The following DNAAF9 variants were observed in gnomAD, a reference collection of about 807,000 sequenced individuals.
DNAAF9 encodes dynein axonemal assembly factor 9, also known as shulin.
Under a neutral mutation model 167.0 loss-of-function variants are expected in DNAAF9, and 90 were observed. The observed-to-expected ratio is 0.54, with a 90% confidence interval of 0.45 to 0.64. The LOEUF is 0.64. DNAAF9 is among the 30% of genes least tolerant of loss of function. DNAAF9 has a pLI of 0.00. For missense variants in DNAAF9, 1,315 were observed against 1,442.2 expected (o/e 0.91, Z 1.43); for synonymous variants, 491 against 508.8 (o/e 0.96, Z 0.47).
chr20:3,354,302 G>A (rs1387163889), intron 7 of DNAAF9, among the ~76,000 whole-genome samples: 2 of 152,240 alleles, frequency 1.3e-5, no homozygotes, highest in Non-Finnish European at 2.9e-5. Flanking sequence ...AGTGGAACTG[G>A]TCAGGTGGAT....
intron 10 of DNAAF9, among the ~76,000 whole-genome samples, chr20:3,340,210 T>C (rs2070050901): frequency 6.6e-6 from 1 of 152,210 alleles, no homozygotes; most frequent in African/African-American, 2.4e-5. Context: ...AAAAATTCTA[T>C]TGACAATATT....
At chr20:3,266,357 A>G (rs2068489875) in intron 30 of DNAAF9, among the ~76,000 whole-genome samples, 2 of 152,194 alleles carry the variant, frequency 1.3e-5, no homozygotes, top group South Asian at 2.1e-4. Flanking sequence ...AGGACTAGTA[A>G]TATTTTTTTT....
rs1876427524 is a variant in DNAAF9 at position 3,273,469 on chromosome 20, T to C, written c.2651-2907A>G. On this transcript the variant is annotated intron_variant, in intron 29 of 36. Coordinates refer to ENST00000252032, the MANE Select transcript of DNAAF9 (RefSeq NM_001009984.3). ...AGGAAGCGTGGCGCTGGCATCGGCT[T>C]CTGGGGAGGCCTCAGGAAGCTTAAG... 1.3e-5 allele frequency among the ~76,000 whole-genome samples: 2 copies of C among 152,080 alleles called. 1 individual carries two copies. The highest frequency in any genetic ancestry group is 4.1e-4 in the South Asian group (2 of 4,824).
At chr20:3,301,466 G>A in intron 21 of DNAAF9, among the ~76,000 whole-genome samples, 1 of 152,154 alleles carries the variant, frequency 6.6e-6, no homozygotes, top group Non-Finnish European at 1.5e-5. Context: ...AGGATTACAG[G>A]CGTGAGCCAC....
intron 33 of DNAAF9, among the ~76,000 whole-genome samples, chr20:3,257,705 G>A (rs1484095212): frequency 3.3e-5 from 5 of 151,340 alleles, no homozygotes; most frequent in African/African-American, 7.3e-5. Flanking sequence ...CACCATGCCC[G>A]GCTAATTTTT....
In DNAAF9 at chr20:3,382,437, G is replaced by A. The variant is rs770335028; in HGVS notation, c.153C>T (p.Leu51=). 6.8e-6 allele frequency: 11 copies of A among 1,613,598 alleles called. No homozygotes were observed. Among genetic ancestry groups the A allele is most frequent in the Non-Finnish European group, 9.3e-6 (11 of 1,179,532 alleles). ...QSSKSRPDGI[L]CILGIDSRYN... is the part of the protein sequence containing the mutation. ...GTTAAAAGCACTGACCTAGGATGCA[G>A]AGGATCCCATCCGGCCGAGACTTGC... The change falls in exon 2 of 37, where the codon CTC becomes CTT. Residue 51 remains leucine, a synonymous_variant. Transcript: ENST00000252032.
In DNAAF9 at chr20:3,264,430, A is replaced by G; in HGVS notation, c.2873+8T>C. Reference sequence around the variant, plus strand: ...AAATCTTAGTTATTTTTCAATGATGATACTTGCCAGCCAGGATACATTAAA... The same window carrying G: ...AAATCTTAGTTATTTTTCAATGATGGTACTTGCCAGCCAGGATACATTAAA... On this transcript the variant is annotated splice_region_variant and intron_variant, in intron 31 of 36. Transcript: ENST00000252032. The G allele has an allele frequency of 1.6e-6, 2 of 1,250,764 alleles. No individual in the cohort carries two copies. Among genetic ancestry groups the G allele is most frequent in the South Asian group, 1.2e-5 (1 of 80,302 alleles). 77.5% of individuals were successfully genotyped at this position (1,250,764 alleles called of 1,614,324 possible).
At chr20:3,350,154 CAG>C (rs11467705) in intron 7 of DNAAF9, among the ~76,000 whole-genome samples, 5,782 of 86,386 alleles carry the variant, frequency 0.067, 159 homozygotes, top group African/African-American at 0.13. Context: ...CACAGACACA[CAG>C]ACACACACAC....
At chr20:3,384,301 A>T (rs941701860) in intron 1 of DNAAF9, 2 of 152,230 alleles carry the variant, frequency 1.3e-5, no homozygotes, top group Non-Finnish European at 2.9e-5. Context: ...AGAGCACTAG[A>T]AACCACAGAA....
intron 22 of DNAAF9, 76 bp from the exon 23 acceptor site, chr20:3,297,025 G>T: frequency 1.2e-6 from 1 of 819,828 alleles, no homozygotes; most frequent in Non-Finnish European, 2.0e-6. Context: ...GGGATTTGAT[G>T]GTTGTTGAAA....
At chr20:3,329,851 G>A (rs1264799581) in intron 12 of DNAAF9, among the ~76,000 whole-genome samples, 1 of 152,140 alleles carries the variant, frequency 6.6e-6, no homozygotes, top group African/African-American at 2.4e-5. Flanking sequence ...TTCTGTCTTT[G>A]GTTTCCTGCT....
chr20:3,294,650 A>C (rs762503857), intron 23 of DNAAF9, 21 bp from the exon 24 acceptor site: 1 of 1,479,962 alleles, frequency 6.8e-7, no homozygotes, highest in Non-Finnish European at 9.5e-7. Flanking sequence ...AAAAGCTCAC[A>C]GATTAGAAGT....
In DNAAF9 at chr20:3,251,138, ATTGT is replaced by A. The variant is rs2068187580; in HGVS notation, c.*1430_*1433del. ...TGGAGTTTTGTTCATTTGGCTTCAA[ATTGT>A]TTTTTTTTTTTTTCTAATATATTTT... is the stretch of plus-strand genomic sequence containing the variant. On this transcript the variant is annotated 3_prime_UTR_variant, in exon 37 of 37. Transcript: ENST00000252032. 6.7e-6 allele frequency: 1 copy of A among 150,350 alleles called. No individual in the cohort carries two copies. The highest frequency in any genetic ancestry group is 2.1e-4 in the South Asian group (1 of 4,792). The allele number at this position is 150,350 out of a possible 1,614,324, so 9.3% of individuals were successfully genotyped here.
At chr20:3,298,227 GCA>G in intron 21 of DNAAF9, 52 bp from the exon 22 acceptor site, 2 of 1,496,842 alleles carry the variant, frequency 1.3e-6, no homozygotes, top group African/African-American at 1.4e-5. Flanking sequence ...CACAATTACA[GCA>G]CTCACAACTA....
At chr20:3,382,194 T>C (rs1421296552) in intron 2 of DNAAF9, among the ~76,000 whole-genome samples, 4 of 152,132 alleles carry the variant, frequency 2.6e-5, no homozygotes, top group African/African-American at 9.7e-5. Flanking sequence ...GGCAGCTATA[T>C]ATGTGAGGCT....
intron 7 of DNAAF9, among the ~76,000 whole-genome samples, chr20:3,356,371 G>A (rs940844773): frequency 2.0e-5 from 3 of 152,122 alleles, no homozygotes; most frequent in Admixed American, 2.0e-4. Flanking sequence ...AAATAGCTCT[G>A]AAACTATATT....
intron 33 of DNAAF9, among the ~76,000 whole-genome samples, 159 bp from the exon 34 acceptor site, chr20:3,256,370 G>A (rs889200541): frequency 2.0e-5 from 3 of 152,184 alleles, no homozygotes; most frequent in Non-Finnish European, 4.4e-5. Flanking sequence ...GGAGTAGGTG[G>A]GCACAGTGGC....
intron 23 of DNAAF9, chr20:3,296,379 T>C: frequency 3.1e-6 from 1 of 321,158 alleles, no homozygotes; most frequent in Non-Finnish European, 6.0e-6. Flanking sequence ...GTGGGGACAT[T>C]TTTCGTTTTT....
intron 15 of DNAAF9, among the ~76,000 whole-genome samples, 173 bp from the exon 16 acceptor site, chr20:3,322,435 TGAGTATGTCCATCC>T (rs2069633007): frequency 6.6e-6 from 1 of 152,014 alleles, no homozygotes. Context: ...GCCACTAAGG[TGAGTATGTCCATCC>T]CCACCTCTGC....
Sources: allele counts gnomAD v4.1 joint callset (sites outside exome capture counted in the v4.1 genomes callset), GRCh38; gene constraint gnomAD v4.1.1; transcripts MANE v1.5; gene names NCBI Gene and HGNC (gene_info 2026-07-23, HGNC 2026-07-21).